The following MDGA2 variants were observed in gnomAD, a reference collection of about 807,000 sequenced individuals.
The protein encoded by MDGA2 is MAM domain-containing glycosylphosphatidylinositol anchor protein 2.
Under a neutral mutation model 117.8 loss-of-function variants are expected in MDGA2, and 40 were observed. That is an observed-to-expected ratio of 0.34 (90% CI 0.26 to 0.44). The LOEUF is 0.44. MDGA2 is among the 20% of genes least tolerant of loss of function. MDGA2 has a pLI of 1.00. For missense variants in MDGA2, 1,123 were observed against 1,250.6 expected, an observed-to-expected ratio of 0.90 and a Z score of 1.54; for synonymous variants, 452 against 439.0, an observed-to-expected ratio of 1.03 and a Z score of -0.37.
chr14:47,262,921 T>A (rs976730973), intron 2 of MDGA2, among the ~76,000 whole-genome samples: 2 of 152,154 alleles, frequency 1.3e-5, no homozygotes, highest in African/African-American at 4.8e-5. Flanking sequence ...GGCAGGTAAA[T>A]GTATCATAAT....
intron 8 of MDGA2, among the ~76,000 whole-genome samples, chr14:46,963,156 C>G (rs1227108105): frequency 6.6e-6 from 1 of 152,128 alleles, no homozygotes. Context: ...TGAGTGATAA[C>G]TGTTCAAGAA....
At chr14:47,527,664 T>C (rs925291649) in intron 1 of MDGA2, among the ~76,000 whole-genome samples, 4 of 152,138 alleles carry the variant, frequency 2.6e-5, no homozygotes, top group Non-Finnish European at 4.4e-5. Flanking sequence ...GAAGTGGATA[T>C]GAGGAGAAGC....
intron 3 of MDGA2, among the ~76,000 whole-genome samples, chr14:47,211,698 TC>T (rs1276121924): frequency 6.6e-6 from 1 of 152,094 alleles, no homozygotes; most frequent in Non-Finnish European, 1.5e-5. Context: ...AAAAAGGAGT[TC>T]CGAACCCAAG....
chr14:47,511,315 G>A (rs1894635409), intron 1 of MDGA2, among the ~76,000 whole-genome samples: 1 of 151,770 alleles, frequency 6.6e-6, no homozygotes, highest in African/African-American at 2.4e-5. Flanking sequence ...TATGTTTATA[G>A]AAAAAAACAT....
chr14:47,462,079 G>C (rs553865767), intron 1 of MDGA2, among the ~76,000 whole-genome samples: 1 of 152,038 alleles, frequency 6.6e-6, no homozygotes, highest in Non-Finnish European at 1.5e-5. Flanking sequence ...AATTGCTTTC[G>C]TACCTTTAAA....
chr14:47,611,508 A>G (rs957077781), intron 1 of MDGA2, among the ~76,000 whole-genome samples: 2 of 152,102 alleles, frequency 1.3e-5, no homozygotes, highest in African/African-American at 2.4e-5. Context: ...AAAAAAAATC[A>G]GCAAAAAAAC....
chr14:47,521,724 T>C (rs1894871270), intron 1 of MDGA2, among the ~76,000 whole-genome samples: 1 of 152,160 alleles, frequency 6.6e-6, no homozygotes, highest in African/African-American at 2.4e-5. Context: ...CAGGCTGGAG[T>C]GCAATGGCAC....
At chr14:47,535,275 C>A (rs1383313710) in intron 1 of MDGA2, among the ~76,000 whole-genome samples, 4 of 152,152 alleles carry the variant, frequency 2.6e-5, no homozygotes, top group Non-Finnish European at 5.9e-5. Context: ...CTTTTTAGGG[C>A]AAATTCATTG....
In MDGA2 at chr14:46,891,431, A is replaced by G. The variant is rs190714901; in HGVS notation, c.2239-9210T>C. ...CCTTTCTTATTCCTGCCCCTTTGTA[A>G]TATTTGAAAGGTAATTGCTAACACT... On this transcript the variant is annotated intron_variant, in intron 10 of 16. Coordinates refer to ENST00000399232, the MANE Select transcript of MDGA2 (RefSeq NM_001113498.3). 1.5e-3 allele frequency among the ~76,000 whole-genome samples: 227 copies of G among 151,716 alleles called. 2 individuals carry two copies. The highest frequency in any genetic ancestry group is 8.5e-3 in the Middle Eastern group (2 of 236).
At position 47,656,750 on chromosome 14, in the gene MDGA2, T is replaced by C. The variant is rs117828355; in HGVS notation, c.280+17767A>G. On this transcript the variant is annotated intron_variant, in intron 1 of 16. Coordinates refer to ENST00000399232, the MANE Select transcript of MDGA2 (RefSeq NM_001113498.3). ...CACCACAAAAGAGGCATGTGGCAGA[T>C]TGTATTCTTTTAAAAAGGCCACAAC... is the stretch of plus-strand genomic sequence containing the variant. Among the ~76,000 whole-genome samples, 64 of 152,218 alleles carry C rather than the reference T, an allele frequency of 4.2e-4. No individual in the cohort carries two copies. The South Asian group carries it at 7.1e-3, about 17-fold the overall frequency.
chr14:47,329,485 G>A (rs1890235329), intron 1 of MDGA2, among the ~76,000 whole-genome samples: 1 of 152,060 alleles, frequency 6.6e-6, no homozygotes, highest in Admixed American at 6.6e-5. Flanking sequence ...GTTTCTCAAA[G>A]TTGATATTCT....
At chr14:47,119,988 G>GT (rs1466332918) in intron 5 of MDGA2, among the ~76,000 whole-genome samples, 1 of 152,000 alleles carries the variant, frequency 6.6e-6, no homozygotes, top group Admixed American at 6.6e-5. Flanking sequence ...CCTCTATTTG[G>GT]TCATTTCAGA....
At chr14:47,321,426 T>G (rs1889975804) in intron 1 of MDGA2, among the ~76,000 whole-genome samples, 1 of 152,208 alleles carries the variant, frequency 6.6e-6, no homozygotes, top group Non-Finnish European at 1.5e-5. Context: ...TGCATTCTAT[T>G]TTTGACTATC....
intron 5 of MDGA2, among the ~76,000 whole-genome samples, chr14:47,129,269 G>A (rs1294145440): frequency 6.9e-6 from 1 of 145,470 alleles, no homozygotes; most frequent in Non-Finnish European, 1.5e-5. Flanking sequence ...AGTCCCCAGA[G>A]TGTGATGTTC....
chr14:47,621,380 T>C (rs1897047470), intron 1 of MDGA2, among the ~76,000 whole-genome samples: 1 of 152,056 alleles, frequency 6.6e-6, no homozygotes, highest in African/African-American at 2.4e-5. Context: ...TTTAGAGACA[T>C]GGACTTGCTC....
At chr14:47,519,261 A>G (rs1384724462) in intron 1 of MDGA2, among the ~76,000 whole-genome samples, 2 of 152,148 alleles carry the variant, frequency 1.3e-5, no homozygotes, top group Non-Finnish European at 2.9e-5. Context: ...AAATATTTTT[A>G]TTTTGTTTTT....
intron 1 of MDGA2, among the ~76,000 whole-genome samples, chr14:47,605,418 AAG>A (rs1465544689): frequency 2.0e-5 from 3 of 152,240 alleles, no homozygotes; most frequent in Admixed American, 1.3e-4. Context: ...TCCTAACTAC[AAG>A]AGAGATGTAT....
At chr14:47,602,719 T>C (rs559552733) in intron 1 of MDGA2, among the ~76,000 whole-genome samples, 1 of 152,248 alleles carries the variant, frequency 6.6e-6, no homozygotes, top group South Asian at 2.1e-4. Context: ...AGTTTGTCTG[T>C]AGCATGCAAA....
At chr14:47,135,981 C>T (rs765705189) in intron 4 of MDGA2, among the ~76,000 whole-genome samples, 7 of 151,948 alleles carry the variant, frequency 4.6e-5, no homozygotes, top group Non-Finnish European at 8.8e-5. Flanking sequence ...GGGCTATGAT[C>T]GCAGATTTAT....
Sources: gnomAD v4.1 joint callset for allele counts (sites outside exome capture counted in the v4.1 genomes callset) on GRCh38, gnomAD v4.1.1 for gene constraint, MANE v1.5 for transcripts, NCBI Gene and HGNC (gene_info 2026-07-23, HGNC 2026-07-21) for gene names.